The following NKAIN1 variants were observed in gnomAD, a reference collection of about 807,000 sequenced individuals.
The protein encoded by NKAIN1 is sodium/potassium transporting ATPase interacting 1.
In NKAIN1, 13 loss-of-function variants were observed where a neutral mutation model predicts 31.6. The ratio of observed to expected loss-of-function variants is 0.41; its 90% CI spans 0.27 to 0.65. The LOEUF is 0.65. NKAIN1 is among the 30% of genes least tolerant of loss of function. The pLI is 0.30. For synonymous variants in NKAIN1, 104 were observed against 109.0 expected, an observed-to-expected ratio of 0.95 and a Z score of 0.28; for missense variants, 193 against 262.2, an observed-to-expected ratio of 0.74 and a Z score of 1.82.
chr1:31,225,740 G>T (rs1462321892), intron 1 of NKAIN1, among the ~76,000 whole-genome samples: 1 of 152,196 alleles, frequency 6.6e-6, no homozygotes, highest in Admixed American at 6.5e-5. Flanking sequence ...GACTCATGCA[G>T]CCAGATAGAG....
rs148810776 is a variant in NKAIN1 at position 31,182,563 on chromosome 1, C to G, written c.499G>C (p.Val167Leu). The change falls in exon 5 of 7, where the codon GTG (valine) becomes CTG (leucine). Residue 167 changes from valine to leucine, a missense_variant. Physicochemically the swap from Val to Leu is conservative, Grantham distance 32 (BLOSUM62 1). Transcript: ENST00000373736. ...ALFGFVFACY[V>L]SKVFLEEEDS... ...TCCTCCTCCAGGAACACTTTGCTCA[C>G]GTAGCAGGCGAACACGAAGCCGAAC... 4.4e-4 allele frequency: 714 copies of G among 1,614,018 alleles called. 1 individual carries two copies. Among genetic ancestry groups the G allele is most frequent in the Non-Finnish European group, 5.8e-4 (688 of 1,180,028 alleles).
At chr1:31,182,135 G>T (rs916569645) in intron 5 of NKAIN1, among the ~76,000 whole-genome samples, 194 bp from the exon 6 acceptor site, 3 of 152,062 alleles carry the variant, frequency 2.0e-5, no homozygotes, top group Non-Finnish European at 2.9e-5. Context: ...GACCCTGAGG[G>T]ATGGGCCTCT....
At position 31,224,891 on chromosome 1, in the gene NKAIN1, G is replaced by A. The variant is rs368813648; in HGVS notation, c.54+14603C>T. Among the ~76,000 whole-genome samples the A allele has an allele frequency of 2.9e-4, 44 of 152,278 alleles. No homozygotes were observed. The East Asian group carries it at 6.0e-3, about 21-fold the overall frequency. Reference sequence around the variant, plus strand: ...TGGATGGAGGGGCAACCTGAGGGGGGCAGTGCCCACCTAACAAGGGTAGAG... The same window carrying A: ...TGGATGGAGGGGCAACCTGAGGGGGACAGTGCCCACCTAACAAGGGTAGAG... On this transcript the variant is annotated intron_variant, in intron 1 of 6. Transcript: ENST00000373736.
At chr1:31,190,830 C>T (rs190555874) in intron 1 of NKAIN1, among the ~76,000 whole-genome samples, 53 of 152,306 alleles carry the variant, frequency 3.5e-4, no homozygotes, top group African/African-American at 1.1e-3. Context: ...CTCCTTCCAC[C>T]CTGACTCTGC....
intron 2 of NKAIN1, among the ~76,000 whole-genome samples, chr1:31,186,133 T>A (rs963515064): frequency 6.6e-6 from 1 of 150,446 alleles, no homozygotes; most frequent in Non-Finnish European, 1.5e-5. Context: ...GAGGCCAAGG[T>A]GGGCAGATCA....
At chr1:31,200,526 G>A (rs936180753) in intron 1 of NKAIN1, among the ~76,000 whole-genome samples, 1 of 142,830 alleles carries the variant, frequency 7.0e-6, no homozygotes, top group Non-Finnish European at 1.5e-5. Context: ...GGCATGATCC[G>A]GGCTCACTGC....
At chr1:31,198,078 A>C (rs1645345220) in intron 1 of NKAIN1, among the ~76,000 whole-genome samples, 1 of 152,160 alleles carries the variant, frequency 6.6e-6, no homozygotes, top group South Asian at 2.1e-4. Context: ...TGTCTCCTGC[A>C]GTGGATGGCA....
chr1:31,213,669 C>T (rs940986867), intron 1 of NKAIN1, among the ~76,000 whole-genome samples: 4 of 152,114 alleles, frequency 2.6e-5, no homozygotes, highest in South Asian at 2.1e-4. Context: ...GTGGAAACAA[C>T]CCAATGTCCA....
chr1:31,232,450 G>GAGAGAC (rs1645660654), intron 1 of NKAIN1, among the ~76,000 whole-genome samples: 1 of 119,404 alleles, frequency 8.4e-6, no homozygotes, highest in Non-Finnish European at 1.8e-5. Context: ...GAGAGAGAGA[G>GAGAGAC]AGAGAGAGAG....
intron 1 of NKAIN1, among the ~76,000 whole-genome samples, chr1:31,192,057 T>A (rs890817772): frequency 6.6e-6 from 1 of 152,200 alleles, no homozygotes; most frequent in Admixed American, 6.5e-5. Context: ...ATTACAGACA[T>A]AAGCCACTGC....
Position 31,239,837 on chromosome 1 carries a change from C to T in NKAIN1, c.-290G>A, listed in dbSNP as rs1003566650. ...CTGCCCCGGGGCGGCTGGCGGGGAG[C>T]GCGGAGCAAGGAGAGCGAGCCCCGA... On this transcript the variant is annotated 5_prime_UTR_variant, in exon 1 of 7. Transcript: ENST00000373736. The surrounding 1 kb of genome is among the most constrained non-coding windows in gnomAD (Gnocchi z 4.8). Among the ~76,000 whole-genome samples the T allele has an allele frequency of 6.6e-6, 1 of 151,864 alleles. No individual in the cohort carries two copies.
chr1:31,184,895 A>G (rs1007506880), intron 3 of NKAIN1, among the ~76,000 whole-genome samples: 1 of 152,166 alleles, frequency 6.6e-6, no homozygotes, highest in Admixed American at 6.5e-5. Flanking sequence ...TACAAAGCGC[A>G]TGGCATTTTC....
At chr1:31,205,353 G>A (rs372843799) in intron 1 of NKAIN1, among the ~76,000 whole-genome samples, 26 of 152,016 alleles carry the variant, frequency 1.7e-4, no homozygotes, top group African/African-American at 6.3e-4. Flanking sequence ...CTGTTGCCTA[G>A]GCTGGAGTGC....
At chr1:31,186,394 GT>G (rs11303246) in intron 2 of NKAIN1, among the ~76,000 whole-genome samples, 54,554 of 97,262 alleles carry the variant, frequency 0.56, 16,335 homozygotes, top group Middle Eastern at 0.74. Context: ...ATTCTTTTGT[GT>G]TTTTTTTTTT....
chr1:31,181,269 A>G lies in NKAIN1; in HGVS notation c.*434T>C. The G allele has an allele frequency of 5.8e-6, 1 of 173,296 alleles. No homozygotes were observed. The highest frequency in any genetic ancestry group is 1.2e-5 in the Non-Finnish European group (1 of 82,382). The allele number at this position is 173,296 out of a possible 1,614,324, so 10.7% of individuals were successfully genotyped here. On this transcript the variant is annotated 3_prime_UTR_variant, in exon 7 of 7. Coordinates refer to ENST00000373736, the MANE Select transcript of NKAIN1 (RefSeq NM_024522.3). ...ATTAGAACCCAGGAATCCTGCTCCTAGTTCACAGTAGCTTTCCCCAGAGCT... is the reference window on the plus strand; with the variant it reads ...ATTAGAACCCAGGAATCCTGCTCCTGGTTCACAGTAGCTTTCCCCAGAGCT...
At chr1:31,183,659 T>G (rs558399249) in intron 4 of NKAIN1, among the ~76,000 whole-genome samples, 158 bp downstream of exon 4, 33 of 152,044 alleles carry the variant, frequency 2.2e-4, no homozygotes, top group Admixed American at 5.2e-4. Flanking sequence ...TGTTGGTCAG[T>G]CTGGTCTTGA....
intron 1 of NKAIN1, among the ~76,000 whole-genome samples, chr1:31,222,458 T>C (rs1557661324): frequency 6.6e-6 from 1 of 152,220 alleles, no homozygotes; most frequent in Non-Finnish European, 1.5e-5. Context: ...GGCCAGAGAC[T>C]GTCATCTGCC....
chr1:31,194,767 CTTTTTTT>C (rs35385145), intron 1 of NKAIN1, among the ~76,000 whole-genome samples: 18 of 99,444 alleles, frequency 1.8e-4, no homozygotes, highest in East Asian at 2.9e-4. Flanking sequence ...CTCTCTCTCT[CTTTTTTT>C]TTTTTTTTTT....
At position 31,181,669 on chromosome 1, in the gene NKAIN1, A is replaced by T; in HGVS notation, c.*34T>A. 21 of 1,455,678 alleles carry T rather than the reference A, an allele frequency of 1.4e-5. No homozygotes were observed. Among genetic ancestry groups the T allele is most frequent in the Non-Finnish European group, 1.9e-5 (21 of 1,099,524 alleles). 90.2% of individuals were successfully genotyped at this position (1,455,678 alleles called of 1,614,324 possible). A position where few individuals can be genotyped will look rare whatever the true frequency, so the allele number is the denominator to read the frequency against. On this transcript the variant is annotated 3_prime_UTR_variant, in exon 7 of 7. Coordinates refer to ENST00000373736, the MANE Select transcript of NKAIN1 (RefSeq NM_024522.3). ...AGCTCGCGGCAGCTGCGGTCAGCCC[A>T]GGGCGAGGCGCCGGGGTGGGCGCGG...
Sources: gnomAD v4.1 joint callset for allele counts (sites outside exome capture counted in the v4.1 genomes callset) on GRCh38, gnomAD v4.1.1 for gene constraint, Gnocchi (gnomAD v3.1) non-coding constraint, MANE v1.5 for transcripts, NCBI Gene and HGNC (gene_info 2026-07-23, HGNC 2026-07-21) for gene names.